The following NPR3 variants were observed in gnomAD, a reference collection of about 807,000 sequenced individuals.
NPR3 encodes the protein natriuretic peptide receptor 3.
NPR3 carries 34 observed loss-of-function variants against 54.5 expected under a neutral mutation model. The ratio of observed to expected loss-of-function variants is 0.62; its 90% confidence interval spans 0.47 to 0.83. The LOEUF (loss-of-function observed/expected upper bound fraction) is 0.83. Ranked by LOEUF, NPR3 falls within the 40% of genes least tolerant of loss-of-function variation. The probability of loss-of-function intolerance (pLI) is 0.00; values close to 1 mark genes in which losing one functional copy is unlikely to be tolerated. For synonymous variants in NPR3, 289 were observed against 297.1 expected (o/e 0.97, Z 0.28); for missense variants, 674 against 720.8 (o/e 0.94, Z 0.74).
intron 3 of NPR3, among the ~76,000 whole-genome samples, chr5:32,765,766 C>T (rs892429480): frequency 2.0e-5 from 3 of 152,124 alleles, no homozygotes; most frequent in African/African-American, 7.2e-5. Context: ...ATCTCTGTGT[C>T]CGTAGGGGTC....
intron 6 of NPR3, 160 bp downstream of exon 6, chr5:32,783,188 T>A: frequency 1.8e-6 from 1 of 554,084 alleles, no homozygotes; most frequent in Non-Finnish European, 3.0e-6. Flanking sequence ...AACTGGCATC[T>A]TTCAGGTCTT....
chr5:32,747,121 A>G (rs1166857992), intron 3 of NPR3, among the ~76,000 whole-genome samples: 4 of 152,158 alleles, frequency 2.6e-5, no homozygotes, highest in Non-Finnish European at 4.4e-5. Flanking sequence ...TCTAACTCCC[A>G]TTTCCCTAGA....
rs1331842308 is a variant in NPR3, at chr5:32,786,744, C to A, written c.*399C>A. 3 of 185,294 alleles carry A rather than the reference C, an allele frequency of 1.6e-5. No homozygotes were observed. The highest frequency in any genetic ancestry group is 1.2e-4 in the South Asian group (1 of 8,464). The allele number at this position is 185,294 out of a possible 1,614,324, so 11.5% of individuals were successfully genotyped here. A position where few individuals can be genotyped will look rare whatever the true frequency, so the allele number is the denominator to read the frequency against. The stretch of plus-strand genomic sequence containing the variant: ...AATAAAATCATTTTTACAAGTACAG[C>A]ATTCTTGGAAAGAATTTAACACCCA... On this transcript the variant is annotated 3_prime_UTR_variant, in exon 8 of 8. Coordinates refer to ENST00000265074, the MANE Select transcript of NPR3 (RefSeq NM_001204375.2).
intron 3 of NPR3, among the ~76,000 whole-genome samples, chr5:32,742,039 T>C (rs746256041): frequency 4.0e-5 from 6 of 151,712 alleles, no homozygotes; most frequent in Admixed American, 1.3e-4. Context: ...TTTGATCTAG[T>C]GTGGTGCGGG....
At chr5:32,783,327 TCA>T (rs775170523) in intron 6 of NPR3, 26 of 263,970 alleles carry the variant, frequency 9.8e-5, no homozygotes, top group East Asian at 7.4e-4. Context: ...TTAGTAAATA[TCA>T]CTCCCTTATT....
intron 1 of NPR3, among the ~76,000 whole-genome samples, chr5:32,720,664 CA>C (rs1311247790): frequency 6.6e-6 from 1 of 152,152 alleles, no homozygotes; most frequent in Non-Finnish European, 1.5e-5. Context: ...AGAATTTTAA[CA>C]ATGCGACCCA....
chr5:32,776,425 A>G (rs1742052350), intron 4 of NPR3, among the ~76,000 whole-genome samples: 2 of 152,208 alleles, frequency 1.3e-5, no homozygotes, highest in Admixed American at 6.5e-5. Flanking sequence ...CCAACAGGGA[A>G]CATTGCTACT....
At position 32,789,676 on chromosome 5, in the gene NPR3, C is replaced by A. The variant is rs144441897; in HGVS notation, c.*3331C>A. The A allele has an allele frequency of 7.3e-5, 39 of 534,564 alleles. No individual in the cohort carries two copies. The highest frequency in any genetic ancestry group is 1.4e-4 in the Admixed American group (7 of 51,572). The allele number at this position is 534,564 out of a possible 1,614,324, so 33.1% of individuals were successfully genotyped here. On this transcript the variant is annotated 3_prime_UTR_variant, in exon 8 of 8. Transcript: ENST00000265074. ...TCAAGGCACATGTGCCTTCTTTGCC[C>A]CAAATGCATCACTTTCCTTTTAGTT...
In NPR3 at chr5:32,720,947, TTGA is replaced by T. The variant is rs1169646949; in HGVS notation, c.770-3747_770-3745del. On this transcript the variant is annotated intron_variant, in intron 1 of 7. Transcript: ENST00000265074. ...GTAATTTAATTAGTTATTATATAAA[TTGA>T]TGAAACATAAGCAGGAAAAGAAAGT... Among the ~76,000 whole-genome samples the T allele has an allele frequency of 6.6e-5, 10 of 152,316 alleles. No individual in the cohort carries two copies. The East Asian group carries it at 1.7e-3, about 26-fold the overall frequency.
Position 32,714,514 on chromosome 5 carries a change from T to C in NPR3, c.769+1969T>C, listed in dbSNP as rs539806070. ...TTCCGAAGTCTCTTTGCTTTTTTTT[T>C]TTTTTTCCAAGTTTGCATTGAGGGG... On this transcript the variant is annotated intron_variant, in intron 1 of 7. Transcript: ENST00000265074. Among the ~76,000 whole-genome samples the C allele has an allele frequency of 3.9e-3, 590 of 152,146 alleles. 5 individuals carry two copies. The highest frequency in any genetic ancestry group is 0.014 in the African/African-American group (567 of 41,540).
At chr5:32,709,743 G>A (rs961621399), upstream of NPR3, 4 of 152,202 alleles carry the variant, frequency 2.6e-5, no homozygotes, top group Non-Finnish European at 5.9e-5. Context: ...GTGCTGTTAA[G>A]GGAGGCGAGC....
intron 2 of NPR3, among the ~76,000 whole-genome samples, chr5:32,738,434 G>A (rs1286261799): frequency 1.3e-5 from 2 of 151,984 alleles, no homozygotes; most frequent in South Asian, 4.1e-4. Flanking sequence ...GTGACCTGCC[G>A]TCCCACACAC....
At position 32,703,404 on chromosome 5, in the gene NPR3, T is replaced by C. The variant is rs540644378; in HGVS notation, c.100+14218T>C. Among the ~76,000 whole-genome samples, 8 of 151,548 alleles carry C rather than the reference T, an allele frequency of 5.3e-5. 1 individual carries two copies. The highest frequency in any genetic ancestry group is 3.5e-3 in the Middle Eastern group (1 of 288). On this transcript the variant is annotated intron_variant, in intron 1 of 5. Transcript: ENST00000509104. ...AGCCCCCTTTACTATTCCCTTTCCT[T>C]TTCTCAAGCAGAAGGAGTCTCTCCC...
At chr5:32,760,765 G>C (rs767303644) in intron 3 of NPR3, among the ~76,000 whole-genome samples, 2 of 151,256 alleles carry the variant, frequency 1.3e-5, no homozygotes. Context: ...AAGTCACAAA[G>C]ATATTTTCTG....
upstream of NPR3, chr5:32,710,577 G>A (rs939023006): frequency 2.9e-6 from 4 of 1,373,086 alleles, no homozygotes; most frequent in Admixed American, 1.1e-4. Context: ...GCAAACCTGC[G>A]TGGCCCAGGG....
intron 3 of NPR3, among the ~76,000 whole-genome samples, chr5:32,761,741 T>A (rs1416166998): frequency 6.6e-6 from 1 of 151,850 alleles, no homozygotes; most frequent in Non-Finnish European, 1.5e-5. Flanking sequence ...CTTTTATTTT[T>A]ATTTTATTTT....
intron 2 of NPR3, among the ~76,000 whole-genome samples, chr5:32,725,855 A>G (rs921084015): frequency 2.0e-5 from 3 of 152,212 alleles, no homozygotes; most frequent in Middle Eastern, 3.2e-3. Context: ...TCTTTCTTCC[A>G]GATTACTGCA....
Position 32,712,132 on chromosome 5 carries a change from G to A in NPR3, c.356G>A (p.Arg119His), listed in dbSNP as rs1305279076. ...GNRALFSLVD[R>H]VAAARGAKPD... ...CGTGCGCTCTTCAGCTTGGTGGACC[G>A]CGTGGCGGCGGCGCGGGGCGCCAAG... The change falls in exon 1 of 8, where the codon CGC becomes CAC. Residue 119 changes from arginine (R) to histidine (H), a missense_variant. Transcript: ENST00000265074. The A allele has an allele frequency of 3.1e-6, 5 of 1,613,410 alleles. No individual in the cohort carries two copies. Among genetic ancestry groups the A allele is most frequent in the Middle Eastern group, 1.6e-4 (1 of 6,084 alleles).
chr5:32,783,347 C>G (rs1029814585), intron 6 of NPR3: 1 of 214,520 alleles, frequency 4.7e-6, no homozygotes, highest in Non-Finnish European at 9.1e-6. Context: ...ATTCATCTGT[C>G]ACAGCAAGTC....
Sources: gnomAD v4.1 joint callset for allele counts (sites outside exome capture counted in the v4.1 genomes callset) on GRCh38, gnomAD v4.1.1 for gene constraint, MANE v1.5 for transcripts, NCBI Gene and HGNC (gene_info 2026-07-23, HGNC 2026-07-21) for gene names.